CDKN3: variants seen among roughly 807,000 people sequenced by gnomAD.
CDKN3 encodes the protein cyclin-dependent kinase inhibitor 3.
In CDKN3, 19 loss-of-function variants were observed where a neutral mutation model predicts 36.1. That is an observed-to-expected ratio of 0.53 (90% CI 0.37 to 0.77). The LOEUF (loss-of-function observed/expected upper bound fraction) is 0.77, where lower values mean the gene tolerates loss of function less well. Ranked by LOEUF, CDKN3 falls within the 30% of genes least tolerant of loss-of-function variation. CDKN3 has a pLI of 0.00. For synonymous variants in CDKN3, 71 were observed against 85.3 expected, an observed-to-expected ratio of 0.83 and a Z score of 0.92; for missense variants, 188 against 248.6, an observed-to-expected ratio of 0.76 and a Z score of 1.64.
intron 3 of CDKN3, among the ~76,000 whole-genome samples, chr14:54,402,313 T>C (rs904431405): frequency 2.0e-5 from 3 of 149,656 alleles, no homozygotes; most frequent in African/African-American, 4.9e-5. Flanking sequence ...TGTGTGCGTG[T>C]GTGTGTGTGT....
At chr14:54,411,848 G>T in intron 5 of CDKN3, 142 bp downstream of exon 5, 1 of 705,946 alleles carries the variant, frequency 1.4e-6, no homozygotes, top group Non-Finnish European at 2.6e-6. Context: ...GAAAGCACTG[G>T]CACAATGTCT....
At chr14:54,404,966 T>A (rs2030106873) in intron 3 of CDKN3, among the ~76,000 whole-genome samples, 1 of 152,214 alleles carries the variant, frequency 6.6e-6, no homozygotes, top group East Asian at 1.9e-4. Flanking sequence ...TGTTAGGGTG[T>A]CAATTTTAGA....
At position 54,399,919 on chromosome 14, in the gene CDKN3, T is replaced by G; in HGVS notation, c.35T>G (p.Phe12Cys). The G allele has an allele frequency of 6.3e-7, 1 of 1,578,990 alleles. No individual in the cohort carries two copies. The highest frequency in any genetic ancestry group is 8.7e-7 in the Non-Finnish European group (1 of 1,148,256). ...KPPSSIQTSE[F>C]DSSDEEPIED... ...CCCAGTTCAATACAAACAAGTGAGTTTGACTCATCAGATGAAGAGCCTATT... is the reference window on the plus strand; with the variant it reads ...CCCAGTTCAATACAAACAAGTGAGTGTGACTCATCAGATGAAGAGCCTATT... Residue 12 changes from phenylalanine to cysteine, a missense_variant, in exon 2 of 8, where the codon TTT (phenylalanine) becomes TGT (cysteine). Transcript: ENST00000335183.
intron 4 of CDKN3, 105 bp from the exon 5 acceptor site, chr14:54,411,379 T>C: frequency 1.3e-6 from 1 of 781,526 alleles, no homozygotes; most frequent in Non-Finnish European, 2.0e-6. Flanking sequence ...TCATTTGGTA[T>C]TAGTTTGGCT....
At chr14:54,413,013 CA>C (rs1161165214) in intron 5 of CDKN3, 1 of 397,744 alleles carries the variant, frequency 2.5e-6, no homozygotes, top group East Asian at 7.2e-5. Context: ...GGCCTCATGC[CA>C]ACAGTGTCAG....
At chr14:54,417,066 T>A (rs1159175405) in intron 6 of CDKN3, among the ~76,000 whole-genome samples, 2 of 152,202 alleles carry the variant, frequency 1.3e-5, no homozygotes, top group Admixed American at 6.5e-5. Flanking sequence ...CGAACCCTCA[T>A]ACACTGTTGG....
intron 1 of CDKN3, among the ~76,000 whole-genome samples, chr14:54,397,719 G>A (rs1246624573): frequency 2.6e-5 from 4 of 152,258 alleles, no homozygotes. Flanking sequence ...ATGCAGGCAA[G>A]GAGCTGAAGA....
intron 1 of CDKN3, among the ~76,000 whole-genome samples, chr14:54,399,685 ACT>A (rs1031650532): frequency 6.6e-6 from 1 of 152,022 alleles, no homozygotes; most frequent in African/African-American, 2.4e-5. Flanking sequence ...TCCCAATCCA[ACT>A]CTCTTTCCAC....
intron 3 of CDKN3, among the ~76,000 whole-genome samples, chr14:54,403,520 A>G (rs2030037010): frequency 6.6e-6 from 1 of 152,242 alleles, no homozygotes; most frequent in Non-Finnish European, 1.5e-5. Flanking sequence ...TCCTATTTGA[A>G]TACTCTTTAT....
intron 1 of CDKN3, among the ~76,000 whole-genome samples, chr14:54,398,775 T>A (rs1219776263): frequency 6.6e-6 from 1 of 152,142 alleles, no homozygotes. Flanking sequence ...GAAGTCTATC[T>A]CAATCTCTCT....
chr14:54,412,949 A>G (rs529081049), intron 5 of CDKN3: 2 of 482,366 alleles, frequency 4.1e-6, no homozygotes, highest in East Asian at 1.2e-4. Flanking sequence ...TTCTCAGGGC[A>G]CCTAGTCATA....
At chr14:54,403,598 G>A (rs1055972608) in intron 3 of CDKN3, among the ~76,000 whole-genome samples, 7 of 152,208 alleles carry the variant, frequency 4.6e-5, no homozygotes, top group African/African-American at 1.7e-4. Context: ...TGGTGAGAGA[G>A]GGCATTCTTG....
intron 6 of CDKN3, among the ~76,000 whole-genome samples, chr14:54,416,580 C>T (rs2030560063): frequency 6.6e-6 from 1 of 151,986 alleles, no homozygotes; most frequent in Non-Finnish European, 1.5e-5. Flanking sequence ...TTTGGGAGGC[C>T]AAGGCAGAAA....
Position 54,415,884 on chromosome 14 carries a change from G to A in CDKN3, c.417-15G>A, listed in dbSNP as rs753728148. On this transcript the variant is annotated splice_polypyrimidine_tract_variant and intron_variant, in intron 5 of 7. Coordinates refer to ENST00000335183, the MANE Select transcript of CDKN3 (RefSeq NM_005192.4). ...AATGAAATGTACAAACTTCAAAACT[G>A]TATTTCCCTTTCAGCTGCTATGGAG... The A allele has an allele frequency of 1.9e-6, 3 of 1,592,760 alleles. No homozygotes were observed. Among genetic ancestry groups the A allele is most frequent in the Non-Finnish European group, 2.6e-6 (3 of 1,160,824 alleles).
rs562953643 is a variant in CDKN3, at chr14:54,411,710, C to T, written c.416+4C>T. 24 of 1,545,790 alleles carry T rather than the reference C, an allele frequency of 1.6e-5. No individual in the cohort carries two copies. The highest frequency in any genetic ancestry group is 1.3e-4 in the Admixed American group (8 of 59,912). On this transcript the variant is annotated splice_donor_region_variant and intron_variant, in intron 5 of 7. Coordinates refer to ENST00000335183, the MANE Select transcript of CDKN3 (RefSeq NM_005192.4). ...ATTACCGAAAAACCTTAATACAGTA[C>T]GTTCTTTTCTCCATACACTATGTGA...
intron 5 of CDKN3, chr14:54,413,678 TA>T (rs2030436059): frequency 6.5e-7 from 1 of 1,535,298 alleles, no homozygotes; most frequent in Admixed American, 2.0e-5. Context: ...CCCACACTTC[TA>T]GACAGCTATA....
chr14:54,404,324 T>C (rs2030069330), intron 3 of CDKN3, among the ~76,000 whole-genome samples: 2 of 152,180 alleles, frequency 1.3e-5, no homozygotes, highest in South Asian at 4.1e-4. Context: ...TCTAGATTTC[T>C]AGTTTATTTT....
chr14:54,417,820 A>T lies in CDKN3; in HGVS notation c.449-28A>T, dbSNP rs373765207. 28 of 1,252,432 alleles carry T rather than the reference A, an allele frequency of 2.2e-5. No homozygotes were observed. In the African/African-American group the frequency reaches 3.9e-4, roughly 17 times the overall value. The allele number at this position is 1,252,432 out of a possible 1,614,324, so 77.6% of individuals were successfully genotyped here. On this transcript the variant is annotated intron_variant, in intron 6 of 7. Transcript: ENST00000335183. ...ACCCTGTCACTAGTTATTTAATAAC[A>T]TATTATTTTTCTGTCATGTTCCATT...
chr14:54,413,884 CAG>C (rs1462023284), intron 5 of CDKN3: 146 of 1,281,058 alleles, frequency 1.1e-4, no homozygotes, highest in Non-Finnish European at 1.4e-4. Flanking sequence ...CTGAAAACAA[CAG>C]AAATTTCTTC....
Sources: gnomAD v4.1 joint callset for allele counts (sites outside exome capture counted in the v4.1 genomes callset) on GRCh38, gnomAD v4.1.1 for gene constraint, MANE v1.5 for transcripts, NCBI Gene and HGNC (gene_info 2026-07-23, HGNC 2026-07-21) for gene names.